The following RAD54B variants were observed in gnomAD, a reference collection of about 807,000 sequenced individuals.
RAD54B encodes the protein RAD54 homolog B.
A neutral mutation model predicts 95.8 loss-of-function variants in RAD54B; 78 were observed. The observed-to-expected ratio is 0.81, with a 90% CI of 0.68 to 0.98. RAD54B has a LOEUF of 0.98. Ranked by LOEUF, RAD54B falls within the 50% of genes least tolerant of loss-of-function variation. The pLI, the probability that RAD54B is intolerant of heterozygous loss-of-function variation, is 0.00. For missense variants in RAD54B, 957 were observed against 1,056.6 expected (o/e 0.91, Z 1.31); for synonymous variants, 328 against 354.9 (o/e 0.92, Z 0.85).
chr8:94,463,103 G>C (rs1243723583), intron 2 of RAD54B, among the ~76,000 whole-genome samples: 2 of 151,946 alleles, frequency 1.3e-5, no homozygotes, highest in Non-Finnish European at 2.9e-5. Context: ...TTGAACCCAG[G>C]AGGCAGAGGT....
At chr8:94,407,898 T>A (rs1216984301) in intron 4 of RAD54B, among the ~76,000 whole-genome samples, 178 bp from the exon 5 acceptor site, 3 of 152,110 alleles carry the variant, frequency 2.0e-5, no homozygotes, top group Non-Finnish European at 4.4e-5. Context: ...AAAGAAATAA[T>A]ACAGCTATCA....
intron 14 of RAD54B, among the ~76,000 whole-genome samples, chr8:94,374,747 A>G (rs1227525167): frequency 6.6e-6 from 1 of 152,202 alleles, no homozygotes; most frequent in African/African-American, 2.4e-5. Context: ...AAAATATATG[A>G]AGCAGAAAAT....
At chr8:94,376,368 TC>T (rs2129942491) in intron 14 of RAD54B, among the ~76,000 whole-genome samples, 1 of 152,096 alleles carries the variant, frequency 6.6e-6, no homozygotes, top group East Asian at 1.9e-4. Flanking sequence ...AGACTGTATA[TC>T]AAAATTATGG....
intron 3 of RAD54B, among the ~76,000 whole-genome samples, chr8:94,413,775 A>T (rs1811583955): frequency 6.6e-6 from 1 of 151,968 alleles, no homozygotes; most frequent in African/African-American, 2.4e-5. Flanking sequence ...GCTGGGGTAA[A>T]ATATTCACAG....
chr8:94,417,673 GA>G (rs1439964212), intron 3 of RAD54B, among the ~76,000 whole-genome samples: 1 of 150,306 alleles, frequency 6.7e-6, no homozygotes, highest in Non-Finnish European at 1.5e-5. Context: ...AATAAAAGAA[GA>G]AGAAGAAGAA....
intron 3 of RAD54B, among the ~76,000 whole-genome samples, chr8:94,457,426 T>C (rs1436941449): frequency 6.6e-6 from 1 of 152,208 alleles, no homozygotes; most frequent in Admixed American, 6.5e-5. Context: ...GGCACCAAGA[T>C]AATGGCCAGT....
At chr8:94,419,775 T>C (rs1357457974) in intron 3 of RAD54B, among the ~76,000 whole-genome samples, 1 of 119,586 alleles carries the variant, frequency 8.4e-6, no homozygotes, top group Non-Finnish European at 1.8e-5. Flanking sequence ...AAAAGCAACA[T>C]GAACAATTTA....
At chr8:94,392,325 G>C (rs182961492) in intron 9 of RAD54B, among the ~76,000 whole-genome samples, 1 of 152,070 alleles carries the variant, frequency 6.6e-6, no homozygotes, top group Non-Finnish European at 1.5e-5. Context: ...GCAGTGGCAC[G>C]ATCTCGGCTC....
intron 2 of RAD54B, among the ~76,000 whole-genome samples, chr8:94,464,963 C>G (rs946375084): frequency 6.6e-6 from 1 of 151,966 alleles, no homozygotes; most frequent in Non-Finnish European, 1.5e-5. Flanking sequence ...GGACTCAGAG[C>G]GAAAACTCAC....
chr8:94,421,551 T>G (rs1811807366), intron 3 of RAD54B, among the ~76,000 whole-genome samples: 1 of 152,182 alleles, frequency 6.6e-6, no homozygotes, highest in African/African-American at 2.4e-5. Flanking sequence ...CTCCCAGACA[T>G]GTCCACATAT....
rs1813268890 is a variant in RAD54B at position 94,475,012 on chromosome 8, T to G, written c.-28A>C. On this transcript the variant is annotated 5_prime_UTR_variant, in exon 1 of 15. Transcript: ENST00000336148. Reference sequence around the variant, plus strand: ...CCTGCAGGACGCACCGGCGAAAATCTGACAGAAACCACTGGCCCTGCAAAG... The same window carrying G: ...CCTGCAGGACGCACCGGCGAAAATCGGACAGAAACCACTGGCCCTGCAAAG... The G allele has an allele frequency of 6.6e-6, 1 of 152,418 alleles. No individual in the cohort carries two copies. The highest frequency in any genetic ancestry group is 6.5e-5 in the Admixed American group (1 of 15,288). The allele number at this position is 152,418 out of a possible 1,614,324, so 9.4% of individuals were successfully genotyped here.
intron 2 of RAD54B, among the ~76,000 whole-genome samples, chr8:94,462,161 AAC>A (rs1173987397): frequency 3.3e-5 from 5 of 152,196 alleles, no homozygotes; most frequent in African/African-American, 1.2e-4. Flanking sequence ...GCAAGAATAC[AAC>A]AGTTCATCAT....
chr8:94,422,603 A>T (rs1586156690), intron 3 of RAD54B, among the ~76,000 whole-genome samples: 5 of 97,266 alleles, frequency 5.1e-5, no homozygotes, highest in Non-Finnish European at 7.8e-5. Context: ...AAAAAAAAAA[A>T]AAAAAAAAAA....
At chr8:94,457,674 A>G (rs933520161) in intron 3 of RAD54B, among the ~76,000 whole-genome samples, 17 of 152,260 alleles carry the variant, frequency 1.1e-4, no homozygotes, top group Non-Finnish European at 2.4e-4. Flanking sequence ...GGAAAAATAC[A>G]GTCTAATGAT....
intron 14 of RAD54B, among the ~76,000 whole-genome samples, chr8:94,374,156 G>A (rs1203279577): frequency 6.6e-6 from 1 of 152,076 alleles, no homozygotes; most frequent in East Asian, 1.9e-4. Flanking sequence ...GCAGGCGCCT[G>A]TAGTCCCAGC....
intron 5 of RAD54B, among the ~76,000 whole-genome samples, chr8:94,405,467 T>A (rs980146673): frequency 1.9e-4 from 29 of 152,212 alleles, no homozygotes; most frequent in African/African-American, 7.0e-4. Context: ...AGTTTAGTCA[T>A]GTTTACCATT....
intron 3 of RAD54B, among the ~76,000 whole-genome samples, chr8:94,417,456 C>T (rs923049577): frequency 2.7e-5 from 4 of 147,220 alleles, no homozygotes; most frequent in South Asian, 2.2e-4. Flanking sequence ...AATAACACCA[C>T]ATCTTGATTA....
At chr8:94,399,271 C>T (rs1811211958) in intron 8 of RAD54B, 143 bp downstream of exon 8, 1 of 674,566 alleles carries the variant, frequency 1.5e-6, no homozygotes. Flanking sequence ...ATTCAGAATC[C>T]TACCAAGAGT....
At chr8:94,400,610 C>T in intron 6 of RAD54B, 147 bp from the exon 7 acceptor site, 1 of 626,044 alleles carries the variant, frequency 1.6e-6, no homozygotes, top group Non-Finnish European at 2.7e-6. Context: ...TCTTTTGCAT[C>T]TTTGATAATT....
Sources: gnomAD v4.1 joint callset for allele counts (sites outside exome capture counted in the v4.1 genomes callset) on GRCh38, gnomAD v4.1.1 for gene constraint, MANE v1.5 for transcripts, NCBI Gene and HGNC (gene_info 2026-07-23, HGNC 2026-07-21) for gene names.